The following ZFAT variants were observed in gnomAD, a reference collection of about 807,000 sequenced individuals.
ZFAT encodes zinc finger protein ZFAT.
Under a neutral mutation model 117.7 loss-of-function variants are expected in ZFAT, and 64 were observed. The ratio of observed to expected loss-of-function variants is 0.54; its 90% confidence interval spans 0.44 to 0.67. The LOEUF is 0.67. ZFAT is among the 30% of genes least tolerant of loss of function. The probability of loss-of-function intolerance (pLI) is 0.00; values close to 1 mark genes in which losing one functional copy is unlikely to be tolerated. For synonymous variants in ZFAT, 679 were observed against 615.0 expected, an observed-to-expected ratio of 1.10 and a Z score of -1.54; for missense variants, 1,433 against 1,584.5, an observed-to-expected ratio of 0.90 and a Z score of 1.62.
chr8:134,788,094 G>A, the ZFAT span, among the ~76,000 whole-genome samples: 1 of 152,018 alleles, frequency 6.6e-6, no homozygotes, highest in Admixed American at 6.6e-5. Flanking sequence ...AACAGTAGAG[G>A]TTATTATTGT....
rs550906443 is a variant in ZFAT at position 134,641,377 on chromosome 8, C to T, written c.197-3665G>A. Among the ~76,000 whole-genome samples the T allele has an allele frequency of 5.9e-5, 9 of 152,282 alleles. No individual in the cohort carries two copies. The South Asian group carries it at 8.3e-4, about 14-fold the overall frequency. Reference sequence around the variant, plus strand: ...TTTTCACTTACTTGTACTATTCTCCCAAGCTGTGACCACCTCCTTCACTAC... The same window carrying T: ...TTTTCACTTACTTGTACTATTCTCCTAAGCTGTGACCACCTCCTTCACTAC... On this transcript the variant is annotated intron_variant, in intron 2 of 15. Transcript: ENST00000377838.
chr8:134,702,733 G>A (rs540533545), intron 1 of ZFAT, among the ~76,000 whole-genome samples: 16 of 150,960 alleles, frequency 1.1e-4, no homozygotes, highest in African/African-American at 2.4e-4. Flanking sequence ...GTACAGTGGC[G>A]CGATCTCGGC....
chr8:134,663,724 C>T (rs891104380), intron 1 of ZFAT, among the ~76,000 whole-genome samples: 5 of 152,152 alleles, frequency 3.3e-5, no homozygotes, highest in Admixed American at 2.6e-4. Context: ...GGTGACAGAG[C>T]AAGACTCTGT....
chr8:134,643,598 A>C (rs1830713561), intron 2 of ZFAT, among the ~76,000 whole-genome samples: 1 of 152,226 alleles, frequency 6.6e-6, no homozygotes, highest in Non-Finnish European at 1.5e-5. Flanking sequence ...CACTTGTCTA[A>C]GTCCCCAGCA....
intron 1 of ZFAT, among the ~76,000 whole-genome samples, chr8:134,710,162 A>G (rs1283276979): frequency 1.3e-5 from 2 of 152,206 alleles, no homozygotes; most frequent in Admixed American, 1.3e-4. Flanking sequence ...TCTCTATATA[A>G]GCAACAACGT....
intron 1 of ZFAT, among the ~76,000 whole-genome samples, chr8:134,666,656 G>T (rs1208100427): frequency 5.9e-5 from 9 of 152,074 alleles, no homozygotes; most frequent in Non-Finnish European, 1.2e-4. Context: ...GAAAAATACA[G>T]CAAGAACAAA....
At chr8:134,657,500 A>G in intron 2 of ZFAT, 61 bp downstream of exon 2, 1 of 1,492,178 alleles carries the variant, frequency 6.7e-7, no homozygotes, top group East Asian at 2.3e-5. Context: ...ATGCCCACGG[A>G]GCAAATCAAC....
chr8:134,480,502 C>T (rs1196264155), intron 15 of ZFAT, among the ~76,000 whole-genome samples: 3 of 152,202 alleles, frequency 2.0e-5, no homozygotes, highest in East Asian at 3.8e-4. Flanking sequence ...TCAGATGCCA[C>T]GCTGTGCACT....
chr8:134,739,532 T>G, the ZFAT span, among the ~76,000 whole-genome samples: 2 of 152,202 alleles, frequency 1.3e-5, no homozygotes, highest in African/African-American at 4.8e-5. Context: ...AGCAAGCCCA[T>G]GCTGAAGTGT....
the ZFAT span, chr8:134,783,849 G>A: frequency 6.6e-6 from 1 of 152,234 alleles, no homozygotes; most frequent in Non-Finnish European, 1.5e-5. Flanking sequence ...CTCTCTGAAT[G>A]AGTGTGGGTC....
intron 1 of ZFAT, among the ~76,000 whole-genome samples, chr8:134,697,178 G>A (rs929582328): frequency 3.3e-5 from 5 of 151,486 alleles, no homozygotes; most frequent in African/African-American, 1.2e-4. Context: ...GCAGTGGCAC[G>A]ATCTCGGCTT....
chr8:134,643,346 C>A (rs1000794595), intron 2 of ZFAT, among the ~76,000 whole-genome samples: 1 of 152,204 alleles, frequency 6.6e-6, no homozygotes, highest in African/African-American at 2.4e-5. Flanking sequence ...AAATAATATA[C>A]TTTGACCTCT....
intron 15 of ZFAT, among the ~76,000 whole-genome samples, chr8:134,501,183 A>T (rs1818944068): frequency 6.6e-6 from 1 of 152,252 alleles, no homozygotes; most frequent in African/African-American, 2.4e-5. Flanking sequence ...TCCTGAGCAT[A>T]TGCCTAAGAA....
chr8:134,747,008 C>T, the ZFAT span, among the ~76,000 whole-genome samples: 3 of 152,146 alleles, frequency 2.0e-5, no homozygotes, highest in Non-Finnish European at 4.4e-5. Context: ...TATAAACTAC[C>T]TGTTAAAAAT....
intron 5 of ZFAT, among the ~76,000 whole-genome samples, chr8:134,607,103 T>C (rs981024310): frequency 2.0e-5 from 3 of 152,220 alleles, no homozygotes; most frequent in African/African-American, 4.8e-5. Context: ...GATCTGTTGA[T>C]TAAATATTCA....
At chr8:134,825,401 AGTCTT>A in the ZFAT span, among the ~76,000 whole-genome samples, 3 of 152,228 alleles carry the variant, frequency 2.0e-5, no homozygotes, top group African/African-American at 7.2e-5. Flanking sequence ...ACAATCACTC[AGTCTT>A]AAGAATTTTT....
At chr8:134,719,258 A>T in the ZFAT span, among the ~76,000 whole-genome samples, 1 of 152,188 alleles carries the variant, frequency 6.6e-6, no homozygotes, top group Admixed American at 6.5e-5. Context: ...TCCTCCTTTT[A>T]TTACTCAGTA....
the ZFAT span, chr8:134,797,319 G>C: frequency 6.6e-6 from 1 of 152,036 alleles, no homozygotes; most frequent in Admixed American, 6.6e-5. Context: ...CGAAATAAAA[G>C]TAACTGTATA....
chr8:134,681,208 AC>A (rs942324771), intron 1 of ZFAT, among the ~76,000 whole-genome samples: 17 of 151,884 alleles, frequency 1.1e-4, no homozygotes, highest in Non-Finnish European at 1.5e-4. Context: ...CTGGCTATGG[AC>A]CCCACACCTT....
Sources: gnomAD v4.1 joint callset for allele counts (sites outside exome capture counted in the v4.1 genomes callset) on GRCh38, gnomAD v4.1.1 for gene constraint, MANE v1.5 for transcripts, NCBI Gene and HGNC (gene_info 2026-07-23, HGNC 2026-07-21) for gene names.